The following PDE4D variants were observed in gnomAD, a reference collection of about 807,000 sequenced individuals.
The protein encoded by PDE4D is phosphodiesterase 4D, also known as 3',5'-cyclic-AMP phosphodiesterase 4D.
In PDE4D, 24 loss-of-function variants were observed where a neutral mutation model predicts 87.4. The ratio of observed to expected loss-of-function variants is 0.27; its 90% confidence interval spans 0.20 to 0.39. The LOEUF (loss-of-function observed/expected upper bound fraction) is 0.39, where lower values mean the gene tolerates loss of function less well. Among genes scored for constraint, PDE4D ranks in the 10% least tolerant of loss-of-function variants. The pLI is 1.00. For synonymous variants in PDE4D, 384 were observed against 383.2 expected (o/e 1.00, Z -0.02); for missense variants, 714 against 1,041.0 (o/e 0.69, Z 4.32).
intron 2 of PDE4D, among the ~76,000 whole-genome samples, chr5:59,996,933 G>C (rs1336833556): frequency 6.6e-6 from 1 of 152,094 alleles, no homozygotes; most frequent in African/African-American, 2.4e-5. Context: ...GATTAGAAGA[G>C]ACAGAAATCA....
intron 2 of PDE4D, among the ~76,000 whole-genome samples, chr5:60,049,656 G>T (rs896664376): frequency 3.9e-5 from 6 of 152,194 alleles, no homozygotes; most frequent in African/African-American, 1.2e-4. Context: ...CTGCTGGGAG[G>T]TGCCTCCCAG....
intron 1 of PDE4D, among the ~76,000 whole-genome samples, chr5:59,713,522 T>C (rs1284605834): frequency 6.6e-6 from 1 of 152,184 alleles, no homozygotes; most frequent in African/African-American, 2.4e-5. Flanking sequence ...CTCTAGTGTT[T>C]TTCCAGCTAC....
At chr5:59,934,354 T>C (rs1295109641) in intron 3 of PDE4D, among the ~76,000 whole-genome samples, 1 of 152,220 alleles carries the variant, frequency 6.6e-6, no homozygotes. Context: ...AGGAAGTATC[T>C]GGAGGTGAGG....
chr5:60,433,138 T>C (rs765148129), intron 1 of PDE4D, among the ~76,000 whole-genome samples: 7 of 151,794 alleles, frequency 4.6e-5, no homozygotes, highest in Non-Finnish European at 7.4e-5. Flanking sequence ...ACAAAGTAAA[T>C]AGACAACCTA....
chr5:60,355,678 C>T (rs932311758), intron 1 of PDE4D, among the ~76,000 whole-genome samples: 14 of 151,696 alleles, frequency 9.2e-5, no homozygotes, highest in African/African-American at 2.9e-4. Context: ...CCAATTAACA[C>T]GTATTTTGTA....
intron 2 of PDE4D, among the ~76,000 whole-genome samples, chr5:60,072,432 A>G (rs1357581810): frequency 6.6e-6 from 1 of 152,120 alleles, no homozygotes; most frequent in Non-Finnish European, 1.5e-5. Context: ...ATAGTTTGCA[A>G]ATATTTTCTC....
At chr5:60,118,991 TC>T (rs1283816715) in intron 2 of PDE4D, among the ~76,000 whole-genome samples, 3 of 152,214 alleles carry the variant, frequency 2.0e-5, no homozygotes, top group African/African-American at 7.2e-5. Context: ...TGCTCTACTA[TC>T]CAGGAACTAC....
Position 60,388,971 on chromosome 5 carries a change from T to G in PDE4D, c.-90+98971A>C, listed in dbSNP as rs1211905068. Among the ~76,000 whole-genome samples, 4 of 152,190 alleles carry G rather than the reference T, an allele frequency of 2.6e-5. No individual in the cohort carries two copies. The South Asian group carries it at 8.3e-4, about 32-fold the overall frequency. ...TTTCTAAGCATATTCACTTCTTTTT[T>G]CTTTTTTTTAATTTCAACATTCCTT... is the stretch of plus-strand genomic sequence containing the variant. On this transcript the variant is annotated intron_variant, in intron 1 of 16. Coordinates refer to the PDE4D transcript ENST00000502484.
chr5:59,839,734 A>G (rs551087257), intron 1 of PDE4D, among the ~76,000 whole-genome samples: 1 of 152,148 alleles, frequency 6.6e-6, no homozygotes, highest in Admixed American at 6.5e-5. Flanking sequence ...ATATTCATGC[A>G]TGTGAGCAGT....
At chr5:59,013,657 C>A (rs1043670721) in intron 6 of PDE4D, among the ~76,000 whole-genome samples, 1 of 152,052 alleles carries the variant, frequency 6.6e-6, no homozygotes, top group Non-Finnish European at 1.5e-5. Flanking sequence ...TAATTAAGAG[C>A]CTACCAACCA....
At chr5:60,423,432 T>A (rs1475984427) in intron 1 of PDE4D, among the ~76,000 whole-genome samples, 3 of 152,094 alleles carry the variant, frequency 2.0e-5, no homozygotes, top group Non-Finnish European at 4.4e-5. Flanking sequence ...AACAACCTAC[T>A]CCTGAATGAC....
intron 1 of PDE4D, among the ~76,000 whole-genome samples, chr5:59,727,087 T>C (rs1756708259): frequency 6.6e-6 from 1 of 152,086 alleles, no homozygotes; most frequent in Non-Finnish European, 1.5e-5. Flanking sequence ...ACTAACATAA[T>C]ATTAAAAGTT....
At chr5:59,750,523 T>C (rs1467006801) in intron 1 of PDE4D, among the ~76,000 whole-genome samples, 1 of 152,210 alleles carries the variant, frequency 6.6e-6, no homozygotes, top group Non-Finnish European at 1.5e-5. Context: ...AGATCTCTGC[T>C]GAAATGTCTT....
At chr5:59,523,601 C>A (rs1317925870) in intron 1 of PDE4D, among the ~76,000 whole-genome samples, 1 of 152,078 alleles carries the variant, frequency 6.6e-6, no homozygotes, top group Non-Finnish European at 1.5e-5. Flanking sequence ...AAAAGCTGCC[C>A]CTTTGAAAAC....
intron 1 of PDE4D, among the ~76,000 whole-genome samples, chr5:59,232,851 G>A (rs1242181114): frequency 2.6e-5 from 4 of 151,310 alleles, no homozygotes; most frequent in Non-Finnish European, 5.9e-5. Context: ...CACATACAAT[G>A]GAATACTATG....
chr5:59,335,124 T>C (rs1004989013), intron 1 of PDE4D, among the ~76,000 whole-genome samples: 1 of 152,218 alleles, frequency 6.6e-6, no homozygotes, highest in Non-Finnish European at 1.5e-5. Flanking sequence ...ATATGTTTAA[T>C]GTTTTTCTTC....
At chr5:60,095,561 T>C (rs960549375) in intron 2 of PDE4D, among the ~76,000 whole-genome samples, 1 of 152,220 alleles carries the variant, frequency 6.6e-6, no homozygotes, top group African/African-American at 2.4e-5. Flanking sequence ...TTTGGATATA[T>C]ACCCAGTAAT....
intron 2 of PDE4D, among the ~76,000 whole-genome samples, chr5:60,142,409 A>C (rs1222678341): frequency 6.6e-6 from 1 of 152,216 alleles, no homozygotes; most frequent in Non-Finnish European, 1.5e-5. Context: ...CAGAAAGATT[A>C]AGTGACTCTG....
chr5:59,606,693 C>T (rs900535147), intron 1 of PDE4D, among the ~76,000 whole-genome samples: 2 of 152,186 alleles, frequency 1.3e-5, no homozygotes, highest in South Asian at 2.1e-4. Flanking sequence ...ACATAACCTT[C>T]GTAAGTAGTA....
Sources: gnomAD v4.1 joint callset for allele counts (sites outside exome capture counted in the v4.1 genomes callset) on GRCh38, gnomAD v4.1.1 for gene constraint, MANE v1.5 for transcripts, NCBI Gene and HGNC (gene_info 2026-07-23, HGNC 2026-07-21) for gene names.